Variants in PHACTR1 observed in about 807,000 individuals in gnomAD.
The protein encoded by PHACTR1 is phosphatase and actin regulator 1.
A neutral mutation model predicts 69.2 loss-of-function variants in PHACTR1; 16 were observed. The observed-to-expected ratio is 0.23, with a 90% CI of 0.16 to 0.35. PHACTR1 has a LOEUF of 0.35. Ranked by LOEUF, PHACTR1 falls within the 10% of genes least tolerant of loss-of-function variation. The pLI is 1.00. For synonymous variants in PHACTR1, 312 were observed against 284.5 expected, an observed-to-expected ratio of 1.10 and a Z score of -0.97; for missense variants, 510 against 734.7, an observed-to-expected ratio of 0.69 and a Z score of 3.54.
At chr6:12,818,119 G>C (rs568911740) in intron 4 of PHACTR1, among the ~76,000 whole-genome samples, 1 of 152,092 alleles carries the variant, frequency 6.6e-6, no homozygotes, top group East Asian at 1.9e-4. Flanking sequence ...CACCATCCCC[G>C]GCCTTAAATT....
chr6:13,038,150 A>C (rs1278376233), intron 4 of PHACTR1, among the ~76,000 whole-genome samples: 1 of 152,172 alleles, frequency 6.6e-6, no homozygotes, highest in Non-Finnish European at 1.5e-5. Context: ...TATAATTCTC[A>C]CAATAACCCA....
At chr6:12,918,217 G>C (rs904052393) in intron 4 of PHACTR1, among the ~76,000 whole-genome samples, 2 of 152,118 alleles carry the variant, frequency 1.3e-5, no homozygotes, top group South Asian at 2.1e-4. Context: ...TAGGTTGAAG[G>C]CTGGCTATTT....
intron 4 of PHACTR1, among the ~76,000 whole-genome samples, chr6:12,927,296 C>T (rs950465306): frequency 3.9e-5 from 6 of 152,210 alleles, no homozygotes; most frequent in Non-Finnish European, 7.4e-5. Flanking sequence ...ACATCTGCCT[C>T]TCTAGACTAT....
At chr6:13,054,961 T>G (rs192822316) in intron 5 of PHACTR1, among the ~76,000 whole-genome samples, 3 of 152,332 alleles carry the variant, frequency 2.0e-5, no homozygotes, top group Admixed American at 2.0e-4. Context: ...GTTTCCTGCC[T>G]CTTTGCCTCA....
chr6:13,259,671 T>C (rs1177176276), intron 10 of PHACTR1, among the ~76,000 whole-genome samples: 4 of 152,172 alleles, frequency 2.6e-5, no homozygotes, highest in Non-Finnish European at 5.9e-5. Context: ...ATTTGTCATA[T>C]AGTGAAATTG....
intron 4 of PHACTR1, among the ~76,000 whole-genome samples, chr6:12,771,151 T>C (rs868334375): frequency 7.2e-5 from 11 of 152,194 alleles, no homozygotes; most frequent in Middle Eastern, 3.4e-3. Flanking sequence ...AGGTACTGGG[T>C]TGATCTTAAA....
chr6:12,792,427 G>A (rs1235272285), intron 4 of PHACTR1, among the ~76,000 whole-genome samples: 1 of 113,978 alleles, frequency 8.8e-6, no homozygotes, highest in African/African-American at 3.3e-5. Flanking sequence ...TTGCGCCATT[G>A]TACTCCAGCC....
At chr6:13,151,668 T>C (rs1824329266) in intron 5 of PHACTR1, among the ~76,000 whole-genome samples, 1 of 152,124 alleles carries the variant, frequency 6.6e-6, no homozygotes, top group Non-Finnish European at 1.5e-5. Context: ...ATGGAACCAT[T>C]TGATAAGTTA....
chr6:13,174,594 A>G (rs1761068862), intron 6 of PHACTR1, among the ~76,000 whole-genome samples: 1 of 152,268 alleles, frequency 6.6e-6, no homozygotes, highest in African/African-American at 2.4e-5. Flanking sequence ...CTAACAGTTA[A>G]GAGAGTTTGA....
At chr6:12,733,739 G>T (rs1278083407) in intron 3 of PHACTR1, among the ~76,000 whole-genome samples, 1 of 152,200 alleles carries the variant, frequency 6.6e-6, no homozygotes, top group Non-Finnish European at 1.5e-5. Flanking sequence ...GCCACGCAAA[G>T]ATATGTCCAA....
At chr6:13,172,530 G>A (rs1760762810) in intron 6 of PHACTR1, among the ~76,000 whole-genome samples, 1 of 152,202 alleles carries the variant, frequency 6.6e-6, no homozygotes, top group Non-Finnish European at 1.5e-5. Context: ...ACCATGAGGT[G>A]CAGTCAGAGG....
intron 3 of PHACTR1, among the ~76,000 whole-genome samples, chr6:12,730,563 G>A (rs1763376118): frequency 6.6e-6 from 1 of 151,790 alleles, no homozygotes; most frequent in Non-Finnish European, 1.5e-5. Context: ...AGGAAAAAGG[G>A]AATTCAGTTA....
At chr6:12,803,967 A>G (rs1774001168) in intron 4 of PHACTR1, among the ~76,000 whole-genome samples, 1 of 152,198 alleles carries the variant, frequency 6.6e-6, no homozygotes, top group African/African-American at 2.4e-5. Context: ...AATAGTAACA[A>G]ATTATCAATT....
intron 10 of PHACTR1, 33 bp downstream of exon 10, chr6:13,230,226 G>C: frequency 6.3e-7 from 1 of 1,589,688 alleles, no homozygotes. Flanking sequence ...CTCCCTGGCA[G>C]TGGGCCTTTA....
intron 4 of PHACTR1, among the ~76,000 whole-genome samples, chr6:12,994,749 A>G (rs1354392795): frequency 2.0e-5 from 3 of 152,154 alleles, no homozygotes; most frequent in Non-Finnish European, 4.4e-5. Context: ...ACTATTTAGA[A>G]ACTTGGAGTT....
intron 4 of PHACTR1, among the ~76,000 whole-genome samples, chr6:12,847,397 A>T (rs1242589151): frequency 2.0e-5 from 3 of 152,218 alleles, no homozygotes; most frequent in African/African-American, 7.2e-5. Context: ...AAAACCAAGA[A>T]ACAAACTCTA....
intron 10 of PHACTR1, among the ~76,000 whole-genome samples, chr6:13,237,380 A>C (rs191778546): frequency 1.3e-5 from 2 of 152,302 alleles, no homozygotes; most frequent in Admixed American, 6.5e-5. Flanking sequence ...CCTCTTTTAA[A>C]AAAAAAATGA....
chr6:13,281,028 CCT>C, intron 12 of PHACTR1: 3 of 1,289,582 alleles, frequency 2.3e-6, no homozygotes, highest in Non-Finnish European at 3.0e-6. Context: ...TCGCTCATTC[CCT>C]CTGAGCACTT....
At chr6:13,017,690 A>G (rs1295196299) in intron 4 of PHACTR1, among the ~76,000 whole-genome samples, 1 of 152,158 alleles carries the variant, frequency 6.6e-6, no homozygotes, top group Non-Finnish European at 1.5e-5. Flanking sequence ...TTCTGTGTGC[A>G]TTTGAACTCC....
Sources: allele counts gnomAD v4.1 joint callset (sites outside exome capture counted in the v4.1 genomes callset), GRCh38; gene constraint gnomAD v4.1.1; transcripts MANE v1.5; gene names NCBI Gene and HGNC (gene_info 2026-07-23, HGNC 2026-07-21).